The following COQ5 variants were observed in gnomAD, a reference collection of about 807,000 sequenced individuals.
COQ5 encodes the protein coenzyme Q5, methyltransferase.
A neutral mutation model predicts 40.5 loss-of-function variants in COQ5; 27 were observed. That is an observed-to-expected ratio of 0.67 (90% confidence interval 0.49 to 0.92). COQ5 has a LOEUF of 0.92. Ranked by LOEUF, COQ5 falls within the 40% of genes least tolerant of loss-of-function variation. The pLI, the probability that COQ5 is intolerant of heterozygous loss-of-function variation, is 0.00. For missense variants in COQ5, 409 were observed against 406.4 expected (o/e 1.01, Z -0.06); for synonymous variants, 141 against 150.0 (o/e 0.94, Z 0.44).
intron 3 of COQ5, among the ~76,000 whole-genome samples, chr12:120,510,460 C>T (rs1230339985): frequency 6.6e-6 from 1 of 152,066 alleles, no homozygotes; most frequent in Non-Finnish European, 1.5e-5. Context: ...TAGGCACACA[C>T]CACCCTGCCC....
chr12:120,524,345 C>T (rs1869832622), intron 1 of COQ5, among the ~76,000 whole-genome samples: 1 of 151,998 alleles, frequency 6.6e-6, no homozygotes, highest in Non-Finnish European at 1.5e-5. Context: ...ACTGCAAGCT[C>T]TGCCTCCCGG....
At chr12:120,525,937 T>TAAAAATAA (rs55846808) in intron 1 of COQ5, among the ~76,000 whole-genome samples, 43 of 151,858 alleles carry the variant, frequency 2.8e-4, no homozygotes, top group Admixed American at 9.2e-4. Flanking sequence ...AAAAAATAAA[T>TAAAAATAA]ATAAATAAAT....
chr12:120,520,571 G>A (rs796129825), intron 2 of COQ5, among the ~76,000 whole-genome samples: 7 of 151,860 alleles, frequency 4.6e-5, no homozygotes, highest in African/African-American at 1.7e-4. Flanking sequence ...TGATCCGACC[G>A]CCTCGGGCTC....
chr12:120,522,690 C>A, intron 1 of COQ5: 1 of 655,014 alleles, frequency 1.5e-6, no homozygotes. Context: ...GGTGTCCGGG[C>A]ACCTTTGGGA....
chr12:120,510,774 G>A (rs1869096121), intron 3 of COQ5, among the ~76,000 whole-genome samples: 1 of 152,166 alleles, frequency 6.6e-6, no homozygotes, highest in Non-Finnish European at 1.5e-5. Context: ...TAGAGCATCA[G>A]CGTGTCTAGG....
At chr12:120,511,340 A>G (rs1869130408) in intron 3 of COQ5, among the ~76,000 whole-genome samples, 1 of 151,810 alleles carries the variant, frequency 6.6e-6, no homozygotes, top group Admixed American at 6.6e-5. Flanking sequence ...CATCACAGCT[A>G]CTGCTTAGAG....
At chr12:120,523,837 C>T (rs1838827521) in intron 1 of COQ5, 1 of 325,518 alleles carries the variant, frequency 3.1e-6, no homozygotes, top group Non-Finnish European at 6.3e-6. Context: ...TGGCAAAACC[C>T]TGTCTCTAGT....
At chr12:120,522,735 G>T in intron 1 of COQ5, 1 of 657,180 alleles carries the variant, frequency 1.5e-6, no homozygotes, top group South Asian at 1.8e-5. Flanking sequence ...GCCTTGGTTT[G>T]ATCTTTGGCC....
At chr12:120,505,645 C>T (rs1868847180) in intron 4 of COQ5, among the ~76,000 whole-genome samples, 1 of 151,870 alleles carries the variant, frequency 6.6e-6, no homozygotes, top group South Asian at 2.1e-4. Flanking sequence ...CAACCTCCAC[C>T]TCTCAGGTTG....
intron 2 of COQ5, among the ~76,000 whole-genome samples, chr12:120,518,345 T>C (rs1869477817): frequency 6.6e-6 from 1 of 151,180 alleles, no homozygotes; most frequent in African/African-American, 2.4e-5. Flanking sequence ...GGAAGATTAC[T>C]TGAGGCCTGG....
At chr12:120,514,698 G>A (rs979417338) in intron 3 of COQ5, among the ~76,000 whole-genome samples, 2 of 151,770 alleles carry the variant, frequency 1.3e-5, no homozygotes, top group South Asian at 2.1e-4. Flanking sequence ...ACCCGAGATC[G>A]CTCCACTGTA....
At chr12:120,518,382 T>C (rs1379657730) in intron 2 of COQ5, among the ~76,000 whole-genome samples, 2 of 140,718 alleles carry the variant, frequency 1.4e-5, no homozygotes, top group Admixed American at 7.9e-5. Context: ...TAAGCCGAGA[T>C]GACGCCACTA....
intron 1 of COQ5, among the ~76,000 whole-genome samples, chr12:120,528,362 C>T (rs914372861): frequency 6.6e-6 from 1 of 152,178 alleles, no homozygotes; most frequent in African/African-American, 2.4e-5. Flanking sequence ...TCTTGCTTAA[C>T]CTTTAAGTCT....
chr12:120,516,450 T>C lies in COQ5; in HGVS notation c.574+117A>G, dbSNP rs1869375522. 4 of 872,220 alleles carry C rather than the reference T, an allele frequency of 4.6e-6. No homozygotes were observed. In the South Asian group the frequency reaches 5.3e-5, roughly 12 times the overall value. The allele number at this position is 872,220 out of a possible 1,614,324, so 54.0% of individuals were successfully genotyped here. On this transcript the variant is annotated intron_variant, in intron 3 of 6. Coordinates refer to ENST00000288532, the MANE Select transcript of COQ5 (RefSeq NM_032314.4). The stretch of plus-strand genomic sequence containing the variant: ...TCAGCCATGCAAATCATCTTCAACC[T>C]GCCCATCTATAAGTTTCTGAAAGCC...
intron 3 of COQ5, among the ~76,000 whole-genome samples, chr12:120,511,996 G>A (rs893660249): frequency 5.9e-5 from 9 of 152,016 alleles, no homozygotes; most frequent in Non-Finnish European, 1.3e-4. Context: ...CAGATCATGA[G>A]GTCAGGAGTT....
At chr12:120,504,408 ATTTTTTTTTTTTTTT>A (rs33973905) in intron 5 of COQ5, among the ~76,000 whole-genome samples, 2 of 111,066 alleles carry the variant, frequency 1.8e-5, no homozygotes, top group African/African-American at 6.6e-5. Flanking sequence ...CCTGATTTAA[ATTTTTTTTTTTTTTT>A]TTTTTTTTTA....
Position 120,512,948 on chromosome 12 carries a change from C to T in COQ5, c.575-2825G>A, listed in dbSNP as rs562294413. Among the ~76,000 whole-genome samples, 5 of 149,890 alleles carry T rather than the reference C, an allele frequency of 3.3e-5. No individual in the cohort carries two copies. In the South Asian group the frequency reaches 8.4e-4, roughly 25 times the overall value. On this transcript the variant is annotated intron_variant, in intron 3 of 6. Coordinates refer to ENST00000288532, the MANE Select transcript of COQ5 (RefSeq NM_032314.4). ...TGGCATACACCTATAATCCTAGCTA[C>T]TCACCTGCCTGATTTTTTTTTTTGT... is the stretch of plus-strand genomic sequence containing the variant.
chr12:120,525,843 T>A lies in COQ5; in HGVS notation c.202+3097A>T, dbSNP rs542269275. Reference sequence around the variant, plus strand: ...GGGAGGCTGAGGCAGGAGAATGGCATGAACCTGGGAGGCGGAGCTTACAGT... The same window carrying A: ...GGGAGGCTGAGGCAGGAGAATGGCAAGAACCTGGGAGGCGGAGCTTACAGT... On this transcript the variant is annotated intron_variant, in intron 1 of 6. Coordinates refer to ENST00000288532, the MANE Select transcript of COQ5 (RefSeq NM_032314.4). Among the ~76,000 whole-genome samples, 51 of 152,214 alleles carry A rather than the reference T, an allele frequency of 3.4e-4. 1 individual carries two copies. The South Asian group carries it at 0.01, about 30-fold the overall frequency.
chr12:120,522,534 A>G, intron 1 of COQ5, 171 bp from the exon 2 acceptor site: 1 of 634,624 alleles, frequency 1.6e-6, no homozygotes, highest in Non-Finnish European at 2.8e-6. Context: ...CTCTTTATTG[A>G]TTTATTTTTT....
Sources: gnomAD v4.1 joint callset for allele counts (sites outside exome capture counted in the v4.1 genomes callset) on GRCh38, gnomAD v4.1.1 for gene constraint, MANE v1.5 for transcripts, NCBI Gene and HGNC (gene_info 2026-07-23, HGNC 2026-07-21) for gene names.